ALK: variants seen among roughly 807,000 people sequenced by gnomAD.
The protein encoded by ALK is ALK receptor tyrosine kinase.
In ALK, 74 loss-of-function variants were observed where a neutral mutation model predicts 163.1. The observed-to-expected ratio is 0.45, with a 90% confidence interval of 0.38 to 0.55. The LOEUF (loss-of-function observed/expected upper bound fraction) is 0.55. ALK is among the 20% of genes least tolerant of loss of function. The pLI is 0.00. For synonymous variants in ALK, 960 were observed against 843.2 expected (o/e 1.14, Z -2.40); for missense variants, 2,063 against 2,105.3 (o/e 0.98, Z 0.39).
At chr2:29,210,026 G>C (rs982555694) in intron 24 of ALK, 148 bp from the exon 25 acceptor site, 4 of 689,910 alleles carry the variant, frequency 5.8e-6, no homozygotes, top group African/African-American at 1.8e-5. Flanking sequence ...TTCAGTGTGA[G>C]AGAAACAGCC....
intron 3 of ALK, among the ~76,000 whole-genome samples, chr2:29,537,134 T>C (rs1343747887): frequency 6.6e-6 from 1 of 152,172 alleles, no homozygotes; most frequent in Non-Finnish European, 1.5e-5. Flanking sequence ...GGGGAGGAAT[T>C]CAAGTGGCCT....
chr2:29,251,514 C>G (rs1186081442), intron 11 of ALK, among the ~76,000 whole-genome samples: 1 of 152,166 alleles, frequency 6.6e-6, no homozygotes, highest in Non-Finnish European at 1.5e-5. Flanking sequence ...TGGCCTTAAG[C>G]AGCTTACAGG....
chr2:29,342,877 C>CTTT lies in ALK; in HGVS notation c.1283-14399_1283-14397dup, dbSNP rs57838065. ...CCGACACGGCTGTGTGCTCAGTGAT[C>CTTT]TTTTTTTTTTTTTTTTTTTTTTTGA... On this transcript the variant is annotated intron_variant, in intron 5 of 28. Coordinates refer to ENST00000389048, the MANE Select transcript of ALK (RefSeq NM_004304.5). Among the ~76,000 whole-genome samples the CTTT allele has an allele frequency of 5.8e-4, 52 of 90,430 alleles. 1 individual carries two copies. Among genetic ancestry groups the CTTT allele is most frequent in the South Asian group, 9.0e-4 (2 of 2,232 alleles). The allele number at this position is 90,430 out of a possible 152,430, so 59.3% of individuals were successfully genotyped here.
chr2:29,386,721 A>G (rs1284642986), intron 4 of ALK, among the ~76,000 whole-genome samples: 4 of 152,216 alleles, frequency 2.6e-5, no homozygotes, highest in Non-Finnish European at 5.9e-5. Context: ...CTTTTGTCTG[A>G]AATTCTCTGG....
intron 3 of ALK, among the ~76,000 whole-genome samples, chr2:29,642,327 C>T (rs1019455328): frequency 1.3e-5 from 2 of 152,214 alleles, no homozygotes; most frequent in Non-Finnish European, 2.9e-5. Flanking sequence ...CAAAGCAACT[C>T]AGTGGCTGAG....
intron 1 of ALK, among the ~76,000 whole-genome samples, chr2:29,721,348 G>A (rs1469609114): frequency 1.3e-5 from 2 of 152,118 alleles, no homozygotes; most frequent in Non-Finnish European, 2.9e-5. Context: ...TGTGGTAGTG[G>A]GAGAAGAGGG....
chr2:29,586,627 G>A (rs189564454), intron 3 of ALK, among the ~76,000 whole-genome samples: 41 of 152,234 alleles, frequency 2.7e-4, no homozygotes, highest in Non-Finnish European at 1.3e-4. Context: ...ATCTACCTGG[G>A]AAATAGGAAC....
intron 4 of ALK, among the ~76,000 whole-genome samples, chr2:29,475,752 C>G (rs1338490383): frequency 1.3e-5 from 2 of 152,178 alleles, no homozygotes; most frequent in East Asian, 3.8e-4. Flanking sequence ...ACAGCTGGCT[C>G]CCACTGAGTG....
intron 4 of ALK, among the ~76,000 whole-genome samples, chr2:29,499,802 G>A (rs1558352608): frequency 6.6e-6 from 1 of 151,934 alleles, no homozygotes; most frequent in African/African-American, 2.4e-5. Flanking sequence ...GTGCCTCCAG[G>A]TGTCTTCCTA....
chr2:29,425,053 G>C (rs910085323), intron 4 of ALK, among the ~76,000 whole-genome samples: 3 of 152,154 alleles, frequency 2.0e-5, no homozygotes, highest in African/African-American at 7.2e-5. Flanking sequence ...GGGGAATGAG[G>C]AGCCCTGCAG....
intron 4 of ALK, among the ~76,000 whole-genome samples, chr2:29,473,542 G>C (rs1671422339): frequency 1.3e-5 from 2 of 152,018 alleles, no homozygotes; most frequent in Non-Finnish European, 2.9e-5. Flanking sequence ...AAATCATTAA[G>C]AAAAATACAA....
At chr2:29,794,185 G>A (rs1212489934) in intron 1 of ALK, among the ~76,000 whole-genome samples, 1 of 152,096 alleles carries the variant, frequency 6.6e-6, no homozygotes, top group Non-Finnish European at 1.5e-5. Context: ...TATAAAGATG[G>A]CTTTTTTCCT....
intron 1 of ALK, among the ~76,000 whole-genome samples, chr2:29,895,387 T>C (rs963195471): frequency 2.6e-5 from 4 of 152,192 alleles, no homozygotes; most frequent in African/African-American, 9.7e-5. Flanking sequence ...ACAGAGCTTT[T>C]CTTTAAAGGA....
chr2:29,239,608 G>C, intron 13 of ALK, 72 bp downstream of exon 13: 1 of 1,575,800 alleles, frequency 6.3e-7, no homozygotes, highest in South Asian at 1.1e-5. Context: ...GGTGTTGAGT[G>C]TTGGTGCCTC....
At chr2:29,250,931 T>A (rs1465788848) in intron 12 of ALK, among the ~76,000 whole-genome samples, 174 bp downstream of exon 12, 1 of 152,138 alleles carries the variant, frequency 6.6e-6, no homozygotes, top group Non-Finnish European at 1.5e-5. Flanking sequence ...TGTTGCCATA[T>A]TTCACTCTCC....
rs1275068670 is a variant in ALK at position 29,207,274 on chromosome 2, T to C, written c.3837-2A>G. ...CCTCCCTTTCTATAGTAGCTCGCCCTGTGGGGAAGGAGAGGAAAACCAAAC... is the reference window on the plus strand; with the variant it reads ...CCTCCCTTTCTATAGTAGCTCGCCCCGTGGGGAAGGAGAGGAAAACCAAAC... On this transcript the variant is annotated splice_acceptor_variant, in intron 25 of 28. Coordinates refer to ENST00000389048, the MANE Select transcript of ALK (RefSeq NM_004304.5). LOFTEE classifies it high-confidence loss of function. The C allele has an allele frequency of 6.2e-7, 1 of 1,613,662 alleles. No individual in the cohort carries two copies. Among genetic ancestry groups the C allele is most frequent in the Admixed American group, 1.7e-5 (1 of 60,012 alleles).
intron 3 of ALK, among the ~76,000 whole-genome samples, chr2:29,657,542 G>C (rs748627395): frequency 2.0e-5 from 3 of 152,170 alleles, no homozygotes; most frequent in African/African-American, 7.2e-5. Context: ...TATGGACATA[G>C]AGTGATCATG....
intron 18 of ALK, among the ~76,000 whole-genome samples, chr2:29,226,107 C>CG (rs369655905): frequency 5.0e-4 from 76 of 151,856 alleles, no homozygotes; most frequent in African/African-American, 1.4e-3. Flanking sequence ...ACTGGTGGGG[C>CG]GGGGGAAGAG....
chr2:29,606,469 C>T (rs937604343), intron 3 of ALK, among the ~76,000 whole-genome samples: 3 of 152,128 alleles, frequency 2.0e-5, no homozygotes, highest in Admixed American at 2.0e-4. Context: ...TGAGAGTGCT[C>T]CTAAGTGAAA....
Sources: allele counts gnomAD v4.1 joint callset (sites outside exome capture counted in the v4.1 genomes callset), GRCh38; gene constraint gnomAD v4.1.1; transcripts MANE v1.5; gene names NCBI Gene and HGNC (gene_info 2026-07-23, HGNC 2026-07-21).